Variants in NELFA observed in about 807,000 individuals in gnomAD.
NELFA encodes the protein negative elongation factor A.
NELFA carries 35 observed loss-of-function variants against 51.8 expected under a neutral mutation model. The observed-to-expected ratio is 0.68, with a 90% CI of 0.52 to 0.90. The LOEUF (loss-of-function observed/expected upper bound fraction) is 0.90. NELFA is among the 40% of genes least tolerant of loss of function. The pLI is 0.00. For synonymous variants in NELFA, 417 were observed against 338.4 expected, an observed-to-expected ratio of 1.23 and a Z score of -2.55; for missense variants, 658 against 746.4, an observed-to-expected ratio of 0.88 and a Z score of 1.38.
rs1728672898 is a variant in NELFA, at chr4:2,004,998, CG to C, written c.210+3751del. ...TTTTTTTGTATTTTTTCTTTAGAGA[CG>C]GGGTTTCACCATGTTAGCCAGGATG... On this transcript the variant is annotated intron_variant, in intron 1 of 10. Coordinates refer to ENST00000382882, the MANE Select transcript of NELFA (RefSeq NM_005663.5). 4.0e-5 allele frequency among the ~76,000 whole-genome samples: 6 copies of C among 150,646 alleles called. No homozygotes were observed. The South Asian group carries it at 1.1e-3, about 26-fold the overall frequency.
At position 2,008,954 on chromosome 4, in the gene NELFA, C is replaced by G; in HGVS notation, c.6G>C (p.Ala2=). The G allele has an allele frequency of 1.3e-6, 2 of 1,558,740 alleles. No homozygotes were observed. Among genetic ancestry groups the G allele is most frequent in the Admixed American group, 1.9e-5 (1 of 51,348 alleles). M[A]SMRESDTGLW... ...GGCCCGTGTCGCTCTCCCGCATGGACGCCATCTTGGGGGAAAGCGCGCGCC... is the reference window on the plus strand; with the variant it reads ...GGCCCGTGTCGCTCTCCCGCATGGAGGCCATCTTGGGGGAAAGCGCGCGCC... Residue 2 remains alanine, a synonymous_variant, in exon 1 of 11, where the codon GCG becomes GCC. Transcript: ENST00000382882.
At chr4:1,992,074 G>A (rs1298003810) in intron 1 of NELFA, 1 of 228,428 alleles carries the variant, frequency 4.4e-6, no homozygotes, top group Middle Eastern at 1.5e-3. Context: ...GAAAGCCTGC[G>A]GGTGGGAAAT....
At chr4:1,990,409 G>A (rs544998076) in intron 2 of NELFA, 36 of 456,678 alleles carry the variant, frequency 7.9e-5, no homozygotes, top group Admixed American at 4.9e-4. Context: ...AACTGGCTAC[G>A]TGCCCCACCT....
intron 4 of NELFA, 123 bp from the exon 5 acceptor site, chr4:1,986,525 C>T (rs759355175): frequency 1.1e-5 from 16 of 1,466,144 alleles, no homozygotes; most frequent in Middle Eastern, 2.1e-4. Context: ...AAACCCCTGG[C>T]GGGCAGCGGG....
rs368356799 is a variant in NELFA, at chr4:1,986,411, C to T, written c.635-9G>A. On this transcript the variant is annotated splice_polypyrimidine_tract_variant and intron_variant, in intron 4 of 10. Transcript: ENST00000382882. ...GATGCCTTTGAGTGGGGCTGGAGGACGGCAACAGTCAGGGCGCCAGCAGCA... is the reference window on the plus strand; with the variant it reads ...GATGCCTTTGAGTGGGGCTGGAGGATGGCAACAGTCAGGGCGCCAGCAGCA... The T allele has an allele frequency of 6.9e-5, 112 of 1,612,498 alleles. 1 individual carries two copies. The highest frequency in any genetic ancestry group is 9.0e-5 in the Non-Finnish European group (106 of 1,179,618).
rs749089968 is a variant in NELFA at position 1,989,811 on chromosome 4, G to A, written c.441C>T (p.Asn147=). ...LPLECQYLNK[N]ALTTLAGPLT... Reference sequence around the variant, plus strand: ...GGGGTCCCGCGAGGGTCGTCAGGGCGTTTTTGTTCAAGTACTGGCACTCCA... The same window carrying A: ...GGGGTCCCGCGAGGGTCGTCAGGGCATTTTTGTTCAAGTACTGGCACTCCA... Residue 147 remains asparagine (N), a synonymous_variant, in exon 3 of 11, where the codon AAC becomes AAT. Transcript: ENST00000382882. The surrounding 1 kb of genome is among the most constrained non-coding windows in gnomAD (Gnocchi z 4.8). The A allele has an allele frequency of 1.7e-4, 282 of 1,614,166 alleles. 1 individual carries two copies. The highest frequency in any genetic ancestry group is 2.3e-4 in the African/African-American group (17 of 75,036).
At chr4:1,988,677 TATTA>T (rs994065083) in intron 3 of NELFA, among the ~76,000 whole-genome samples, 43 of 152,382 alleles carry the variant, frequency 2.8e-4, no homozygotes, top group Non-Finnish European at 5.7e-4. Flanking sequence ...ACATTATAAA[TATTA>T]ATTCCATAAC....
At chr4:1,997,407 C>T (rs994741940) in intron 1 of NELFA, among the ~76,000 whole-genome samples, 1 of 152,170 alleles carries the variant, frequency 6.6e-6, no homozygotes, top group Non-Finnish European at 1.5e-5. Context: ...AATTCCTATA[C>T]AAAACATCAG....
Position 1,983,267 on chromosome 4 carries a change from C to T in NELFA, c.*52G>A. The T allele has an allele frequency of 6.4e-7, 1 of 1,559,286 alleles. No individual in the cohort carries two copies. The highest frequency in any genetic ancestry group is 8.7e-7 in the Non-Finnish European group (1 of 1,144,902). Reference sequence around the variant, plus strand: ...ATCCGGTTACTTTAAGCTGGCAAAGCCATCGTCCCGTGGACCCCCACAAGT... The same window carrying T: ...ATCCGGTTACTTTAAGCTGGCAAAGTCATCGTCCCGTGGACCCCCACAAGT... On this transcript the variant is annotated 3_prime_UTR_variant, in exon 11 of 11. Transcript: ENST00000382882.
intron 1 of NELFA, among the ~76,000 whole-genome samples, chr4:2,004,374 G>A (rs1728653753): frequency 6.6e-6 from 1 of 152,072 alleles, no homozygotes; most frequent in African/African-American, 2.4e-5. Flanking sequence ...GGGGGATGAT[G>A]AAAATGTTTG....
chr4:1,991,744 C>T (rs2060345036), intron 1 of NELFA, 29 bp from the exon 2 acceptor site: 8 of 1,562,040 alleles, frequency 5.1e-6, no homozygotes, highest in Non-Finnish European at 6.9e-6. Context: ...CCGGCGCCAC[C>T]ATGCCCCTGC....
At chr4:1,999,309 T>G (rs1404997024) in intron 1 of NELFA, among the ~76,000 whole-genome samples, 1 of 151,482 alleles carries the variant, frequency 6.6e-6, no homozygotes, top group Non-Finnish European at 1.5e-5. Flanking sequence ...TAACCTTCAA[T>G]GTAAATGGGC....
In NELFA at chr4:1,986,141, C is replaced by T; in HGVS notation, c.808G>A (p.Glu270Lys). 6.4e-7 allele frequency: 1 copy of T among 1,554,474 alleles called. No individual in the cohort carries two copies. Among genetic ancestry groups the T allele is most frequent in the Non-Finnish European group, 8.7e-7 (1 of 1,148,694 alleles). The change falls in exon 6 of 11, where the codon GAG becomes AAG. Residue 270 changes from glutamate (E) to lysine (K), a missense_variant. Coordinates refer to ENST00000382882, the MANE Select transcript of NELFA (RefSeq NM_005663.5). Reference sequence around the variant, plus strand: ...AGAGTCTTCCTTCTCCGCTTCGCCTCTCGGCCAGCGCCAACCATATCCAGC... The same window carrying T: ...AGAGTCTTCCTTCTCCGCTTCGCCTTTCGGCCAGCGCCAACCATATCCAGC... ...SELDMVGAGREAKRRRKTLDA... is the reference protein window; with the variant it reads ...SELDMVGAGRKAKRRRKTLDA...
chr4:2,007,771 A>G (rs1235192178), intron 1 of NELFA, among the ~76,000 whole-genome samples: 7 of 152,142 alleles, frequency 4.6e-5, no homozygotes, highest in Non-Finnish European at 1.0e-4. Flanking sequence ...TATTCGTTAA[A>G]CTGAACAAAA....
At position 1,986,591 on chromosome 4, in the gene NELFA, C is replaced by G. The variant is rs528519530; in HGVS notation, c.635-189G>C. Reference sequence around the variant, plus strand: ...GCAGGGGAACGCCTGGAGCCACGACCTCACACTTTGCCAAGACACCAAACA... The same window carrying G: ...GCAGGGGAACGCCTGGAGCCACGACGTCACACTTTGCCAAGACACCAAACA... On this transcript the variant is annotated intron_variant, in intron 4 of 10. Coordinates refer to ENST00000382882, the MANE Select transcript of NELFA (RefSeq NM_005663.5). 69 of 832,308 alleles carry G rather than the reference C, an allele frequency of 8.3e-5. No individual in the cohort carries two copies. In the African/African-American group the frequency reaches 1.0e-3, roughly 12 times the overall value. 51.6% of individuals were successfully genotyped at this position (832,308 alleles called of 1,614,324 possible).
intron 1 of NELFA, among the ~76,000 whole-genome samples, chr4:1,998,363 G>C (rs1163152728): frequency 1.3e-5 from 2 of 151,982 alleles, no homozygotes; most frequent in Non-Finnish European, 2.9e-5. Context: ...TGAACTAAAG[G>C]AGCATGTTCT....
At chr4:1,993,819 CAG>C (rs1389984411) in intron 1 of NELFA, among the ~76,000 whole-genome samples, 1 of 127,922 alleles carries the variant, frequency 7.8e-6, no homozygotes, top group Non-Finnish European at 1.6e-5. Flanking sequence ...TTTTTTGAGA[CAG>C]AGTCTCGCTG....
intron 2 of NELFA, chr4:1,990,574 G>A (rs898474146): frequency 3.6e-5 from 16 of 450,026 alleles, no homozygotes; most frequent in African/African-American, 3.2e-4. Flanking sequence ...CACAGGTGGG[G>A]AGAGGTGCCA....
At chr4:1,984,586 C>G (rs1378777242) in intron 8 of NELFA, among the ~76,000 whole-genome samples, 1 of 152,254 alleles carries the variant, frequency 6.6e-6, no homozygotes. Context: ...GGGGCCGCTG[C>G]CTGTCTGTGC....
Sources: allele counts gnomAD v4.1 joint callset (sites outside exome capture counted in the v4.1 genomes callset), GRCh38; gene constraint gnomAD v4.1.1; non-coding constraint Gnocchi (gnomAD v3.1); transcripts MANE v1.5; gene names NCBI Gene and HGNC (gene_info 2026-07-23, HGNC 2026-07-21).